TMTC2: variants seen among roughly 807,000 people sequenced by gnomAD.
The protein encoded by TMTC2 is protein O-mannosyl-transferase TMTC2.
TMTC2 carries 43 observed loss-of-function variants against 82.4 expected under a neutral mutation model. The ratio of observed to expected loss-of-function variants is 0.52; its 90% CI spans 0.41 to 0.67. The LOEUF (loss-of-function observed/expected upper bound fraction) is 0.67. Among genes scored for constraint, TMTC2 ranks in the 30% least tolerant of loss-of-function variants. The probability of loss-of-function intolerance (pLI) is 0.00; values close to 1 mark genes in which losing one functional copy is unlikely to be tolerated. For synonymous variants in TMTC2, 408 were observed against 381.9 expected, an observed-to-expected ratio of 1.07 and a Z score of -0.80; for missense variants, 919 against 1,012.4, an observed-to-expected ratio of 0.91 and a Z score of 1.25.
At chr12:82,941,953 C>T (rs916874623) in intron 4 of TMTC2, among the ~76,000 whole-genome samples, 1 of 152,100 alleles carries the variant, frequency 6.6e-6, no homozygotes. Flanking sequence ...ACCATGTTGG[C>T]CAGGCTGGCC....
intron 1 of TMTC2, among the ~76,000 whole-genome samples, chr12:82,758,236 C>T (rs1299501324): frequency 6.6e-6 from 1 of 151,892 alleles, no homozygotes; most frequent in Non-Finnish European, 1.5e-5. Flanking sequence ...GTGTATATTC[C>T]TTTATTTAGA....
chr12:82,999,481 A>G (rs1879819551), intron 8 of TMTC2, among the ~76,000 whole-genome samples: 1 of 152,194 alleles, frequency 6.6e-6, no homozygotes, highest in Non-Finnish European at 1.5e-5. Flanking sequence ...CACGCTGCTG[A>G]TAAAGACACT....
At chr12:82,708,093 G>C (rs1873453538) in intron 1 of TMTC2, among the ~76,000 whole-genome samples, 1 of 152,294 alleles carries the variant, frequency 6.6e-6, no homozygotes, top group Middle Eastern at 3.4e-3. Context: ...TGTGTTGTCT[G>C]TGTCTGCTTT....
At chr12:82,759,222 G>A (rs1233913444) in intron 1 of TMTC2, 1 of 152,178 alleles carries the variant, frequency 6.6e-6, no homozygotes, top group Non-Finnish European at 1.5e-5. Flanking sequence ...TAAATGAAGA[G>A]AATGTGTCTC....
At chr12:82,821,166 G>GGTTT (rs1008954951) in intron 1 of TMTC2, among the ~76,000 whole-genome samples, 1 of 152,030 alleles carries the variant, frequency 6.6e-6, no homozygotes, top group Non-Finnish European at 1.5e-5. Context: ...GCCAATTCTA[G>GGTTT]GTTTTTATGA....
intron 1 of TMTC2, among the ~76,000 whole-genome samples, chr12:82,769,808 G>T (rs11115397): frequency 1.3e-5 from 2 of 151,702 alleles, no homozygotes; most frequent in African/African-American, 2.4e-5. Context: ...TCAGAGTTTC[G>T]CCATGTTTGC....
chr12:82,918,727 TC>T, intron 3 of TMTC2, among the ~76,000 whole-genome samples: 1 of 151,854 alleles, frequency 6.6e-6, no homozygotes, highest in Non-Finnish European at 1.5e-5. Flanking sequence ...TCTCTCTCTC[TC>T]TCTCTCTCTC....
intron 1 of TMTC2, among the ~76,000 whole-genome samples, chr12:82,710,170 T>C (rs926291868): frequency 5.3e-5 from 8 of 152,210 alleles, no homozygotes; most frequent in Non-Finnish European, 1.0e-4. Context: ...ATTTCCCAAC[T>C]CACATTTGAG....
intron 11 of TMTC2, among the ~76,000 whole-genome samples, chr12:83,116,973 T>A (rs1278711292): frequency 6.6e-6 from 1 of 152,182 alleles, no homozygotes; most frequent in African/African-American, 2.4e-5. Flanking sequence ...TGTGTTTGCT[T>A]TTGGGCTCTT....
At chr12:82,756,491 G>A (rs1876333656) in intron 1 of TMTC2, among the ~76,000 whole-genome samples, 1 of 152,200 alleles carries the variant, frequency 6.6e-6, no homozygotes, top group Admixed American at 6.5e-5. Context: ...CCCTGCGTTG[G>A]CAGGTATTAC....
At chr12:82,732,224 T>G (rs367545632) in intron 1 of TMTC2, among the ~76,000 whole-genome samples, 33 of 152,230 alleles carry the variant, frequency 2.2e-4, no homozygotes, top group African/African-American at 7.0e-4. Context: ...TTCTGTATCA[T>G]ACTTTATTGA....
chr12:82,934,635 G>T (rs1053282548), intron 4 of TMTC2, among the ~76,000 whole-genome samples: 1 of 152,042 alleles, frequency 6.6e-6, no homozygotes, highest in Non-Finnish European at 1.5e-5. Context: ...TCATTGATGG[G>T]CATTTGGGAT....
In TMTC2 at chr12:83,052,216, G is replaced by GA. The variant is rs796892297; in HGVS notation, c.2267+1204dup. ...TCCAATTTTTAAAATGAGGACATTTGAAAAAAGTAGAAGGACTATTTTTTT... is the reference window on the plus strand; with the variant it reads ...TCCAATTTTTAAAATGAGGACATTTGAAAAAAAGTAGAAGGACTATTTTTTT... On this transcript the variant is annotated intron_variant, in intron 10 of 11. Transcript: ENST00000321196. 4.6e-5 allele frequency among the ~76,000 whole-genome samples: 7 copies of GA among 151,918 alleles called. 1 individual carries two copies. The highest frequency in any genetic ancestry group is 1.7e-4 in the African/African-American group (7 of 41,492).
rs1367681531 is a variant in TMTC2 at position 83,061,848 on chromosome 12, T to C, written c.2331+17T>C. 6.4e-7 allele frequency: 1 copy of C among 1,565,380 alleles called. No homozygotes were observed. Among genetic ancestry groups the C allele is most frequent in the Non-Finnish European group, 8.7e-7 (1 of 1,155,092 alleles). ...AGGCCTAATGTAAGTACTTCCCTAA[T>C]GAGAAACATTTTCAGAGGGATAGAC... On this transcript the variant is annotated intron_variant, in intron 11 of 11. Transcript: ENST00000321196.
intron 7 of TMTC2, among the ~76,000 whole-genome samples, chr12:82,970,456 C>A (rs534466862): frequency 6.6e-6 from 1 of 151,416 alleles, no homozygotes; most frequent in Non-Finnish European, 1.5e-5. Flanking sequence ...CTCAGCCTCC[C>A]GAGTAGCTGG....
intron 8 of TMTC2, among the ~76,000 whole-genome samples, chr12:83,003,783 A>G (rs1204204726): frequency 2.6e-5 from 4 of 151,968 alleles, no homozygotes; most frequent in Non-Finnish European, 4.4e-5. Flanking sequence ...TGACAAGTCC[A>G]GTTGCCTTTA....
intron 8 of TMTC2, among the ~76,000 whole-genome samples, chr12:83,004,032 A>G (rs1019024174): frequency 2.0e-5 from 3 of 152,124 alleles, no homozygotes; most frequent in Admixed American, 2.0e-4. Flanking sequence ...ATCTCTTTAC[A>G]TAAGCCTATA....
chr12:83,035,336 A>G (rs1263121492), intron 9 of TMTC2, among the ~76,000 whole-genome samples: 3 of 152,176 alleles, frequency 2.0e-5, no homozygotes, highest in African/African-American at 7.2e-5. Context: ...GGCTTGCAAG[A>G]AAGAAAGCAA....
chr12:83,058,564 T>C (rs1882628412), intron 10 of TMTC2, among the ~76,000 whole-genome samples: 2 of 151,814 alleles, frequency 1.3e-5, no homozygotes, highest in Non-Finnish European at 2.9e-5. Context: ...TGTCTATTGT[T>C]GGCATAGGGA....
Sources: allele counts gnomAD v4.1 joint callset (sites outside exome capture counted in the v4.1 genomes callset), GRCh38; gene constraint gnomAD v4.1.1; transcripts MANE v1.5; gene names NCBI Gene and HGNC (gene_info 2026-07-23, HGNC 2026-07-21).